The following ANK3 variants were observed in gnomAD, a reference collection of about 807,000 sequenced individuals.
ANK3 encodes ankyrin-3.
A neutral mutation model predicts 370.9 loss-of-function variants in ANK3; 57 were observed. The observed-to-expected ratio is 0.15, with a 90% CI of 0.12 to 0.19. The LOEUF is 0.19. ANK3 is among the 10% of genes least tolerant of loss of function. The pLI, the probability that ANK3 is intolerant of heterozygous loss-of-function variation, is 1.00. For synonymous variants in ANK3, 1,929 were observed against 1,946.3 expected, an observed-to-expected ratio of 0.99 and a Z score of 0.23; for missense variants, 4,439 against 5,302.1, an observed-to-expected ratio of 0.84 and a Z score of 5.06.
chr10:60,713,865 CA>C (rs901266329), intron 1 of ANK3, among the ~76,000 whole-genome samples: 4 of 143,250 alleles, frequency 2.8e-5, no homozygotes, highest in African/African-American at 8.0e-5. Flanking sequence ...GACTCCGTCT[CA>C]AAAAAAAGAA....
At chr10:60,494,548 A>G (rs1224191087) in intron 2 of ANK3, among the ~76,000 whole-genome samples, 1 of 152,168 alleles carries the variant, frequency 6.6e-6, no homozygotes, top group African/African-American at 2.4e-5. Flanking sequence ...CTCTCTCTAC[A>G]GTAGAACCTG....
intron 1 of ANK3, among the ~76,000 whole-genome samples, chr10:60,322,442 T>C (rs1051600323): frequency 2.0e-5 from 3 of 151,918 alleles, no homozygotes; most frequent in Non-Finnish European, 4.4e-5. Flanking sequence ...GTGCTGGCTA[T>C]AGTTAAACAG....
At chr10:60,310,283 G>C (rs115919117) in intron 1 of ANK3, among the ~76,000 whole-genome samples, 3,617 of 152,090 alleles carry the variant, frequency 0.024, 127 homozygotes, top group African/African-American at 0.079. Context: ...ACACTCACCC[G>C]CAGGTTTCCA....
intron 2 of ANK3, among the ~76,000 whole-genome samples, chr10:60,475,276 C>T (rs1325653473): frequency 1.4e-5 from 2 of 147,948 alleles, no homozygotes; most frequent in Non-Finnish European, 3.1e-5. Flanking sequence ...CAGAAAAATA[C>T]ACGTCAACTA....
intron 7 of ANK3, among the ~76,000 whole-genome samples, chr10:60,251,777 A>T (rs900258468): frequency 6.6e-6 from 1 of 152,184 alleles, no homozygotes; most frequent in South Asian, 2.1e-4. Context: ...TTCACCTTAT[A>T]CACTACTGCC....
chr10:60,618,364 G>A (rs1280066391), intron 1 of ANK3, among the ~76,000 whole-genome samples: 1 of 152,042 alleles, frequency 6.6e-6, no homozygotes, highest in African/African-American at 2.4e-5. Flanking sequence ...AAGAAATGTA[G>A]GTCACTCATT....
At chr10:60,615,963 C>T (rs2078262422) in intron 1 of ANK3, among the ~76,000 whole-genome samples, 1 of 152,122 alleles carries the variant, frequency 6.6e-6, no homozygotes, top group African/African-American at 2.4e-5. Flanking sequence ...GCAAATTATT[C>T]CAACTGGTAC....
intron 2 of ANK3, among the ~76,000 whole-genome samples, chr10:60,433,327 C>T: frequency 6.6e-6 from 1 of 152,124 alleles, no homozygotes. Context: ...ATGCTCTCCT[C>T]ATTACTGCAA....
intron 30 of ANK3, 69 bp downstream of exon 30, chr10:60,086,608 G>A: frequency 7.4e-7 from 1 of 1,353,506 alleles, no homozygotes; most frequent in Non-Finnish European, 1.0e-6. Flanking sequence ...TTATATCTTT[G>A]TACACAAATA....
Position 60,071,528 on chromosome 10 carries a change from A to G in ANK3, c.9353T>C (p.Ile3118Thr). 2 of 1,614,104 alleles carry G rather than the reference A, an allele frequency of 1.2e-6. No homozygotes were observed. The highest frequency in any genetic ancestry group is 1.7e-6 in the Non-Finnish European group (2 of 1,179,988). ...TTGTACTGTCTTACATTCCTGACTT[A>G]TGATTTTTTTTACACCTCCTTGTTG... is the stretch of plus-strand genomic sequence containing the variant. ...EIQQGGVKKI[I>T]SQECKTVQET... The change falls in exon 37 of 44, where the codon ATA becomes ACA. Residue 3118 changes from isoleucine to threonine, a missense_variant. Ile to Thr is a moderately conservative substitution (Grantham distance 89). Around this residue, in one of 13 missense-constraint regions of ANK3, gnomAD observed 1,601 missense variants for 1,731.7 expected, o/e 0.92. Coordinates refer to ENST00000280772, the MANE Select transcript of ANK3 (RefSeq NM_020987.5).
At chr10:60,593,328 T>C (rs1425668013) in intron 2 of ANK3, among the ~76,000 whole-genome samples, 1 of 152,176 alleles carries the variant, frequency 6.6e-6, no homozygotes, top group East Asian at 1.9e-4. Context: ...AAGAAATTTG[T>C]TTTAATCAAA....
Position 60,071,694 on chromosome 10 carries a change from T to C in ANK3, c.9187A>G (p.Ser3063Gly). 3 of 1,599,470 alleles carry C rather than the reference T, an allele frequency of 1.9e-6. No homozygotes were observed. Among genetic ancestry groups the C allele is most frequent in the Non-Finnish European group, 2.6e-6 (3 of 1,174,812 alleles). ...ATGGGACTGTGGTCGAATACATCAC[T>C]AGAGGGAGATTCCTTTCCTGGGCTA... is the stretch of plus-strand genomic sequence containing the variant. ...EFSPGKESPSSDVFDHSPIDG... is the reference protein window; with the variant it reads ...EFSPGKESPSGDVFDHSPIDG... Residue 3063 changes from serine (S) to glycine (G), a missense_variant, in exon 37 of 44, where the codon AGT becomes GGT. Coordinates refer to ENST00000280772, the MANE Select transcript of ANK3 (RefSeq NM_020987.5).
chr10:60,263,698 C>A, intron 6 of ANK3, 137 bp downstream of exon 6: 1 of 1,016,596 alleles, frequency 9.8e-7, no homozygotes, highest in Non-Finnish European at 1.4e-6. Context: ...GTGGCTAGCT[C>A]AGACACACAT....
intron 2 of ANK3, among the ~76,000 whole-genome samples, chr10:60,440,449 A>G (rs1452606960): frequency 6.6e-6 from 1 of 152,204 alleles, no homozygotes; most frequent in Non-Finnish European, 1.5e-5. Flanking sequence ...GAGTTCTTCA[A>G]CCAAGAGTTC....
chr10:60,176,645 G>T lies in ANK3; in HGVS notation c.2185-3459C>A, dbSNP rs180899078. On this transcript the variant is annotated intron_variant, in intron 18 of 43. Transcript: ENST00000280772. ...AGGCGTGGCGGTGCCTGTAATCCCAGCTACTTGGGAAGCTGAGGCAGGAGA... is the reference window on the plus strand; with the variant it reads ...AGGCGTGGCGGTGCCTGTAATCCCATCTACTTGGGAAGCTGAGGCAGGAGA... Among the ~76,000 whole-genome samples the T allele has an allele frequency of 2.6e-5, 4 of 152,256 alleles. No homozygotes were observed. In the East Asian group the frequency reaches 7.7e-4, roughly 29 times the overall value.
At position 60,388,389 on chromosome 10, in the gene ANK3, G is replaced by A. The variant is rs538820759; in HGVS notation, c.114+1036C>T. ...CTGAAGAGGGGTACATGTGGGAGAT[G>A]CAATCTGCATGTCATTTAGAAAGCA... On this transcript the variant is annotated intron_variant, in intron 1 of 43. Transcript: ENST00000280772. Among the ~76,000 whole-genome samples, 3 of 152,272 alleles carry A rather than the reference G, an allele frequency of 2.0e-5. No individual in the cohort carries two copies. The South Asian group carries it at 6.2e-4, about 32-fold the overall frequency.
chr10:60,554,051 G>A (rs928300978), intron 2 of ANK3, among the ~76,000 whole-genome samples: 4 of 152,096 alleles, frequency 2.6e-5, no homozygotes, highest in South Asian at 2.1e-4. Context: ...TGGCAAGACT[G>A]GCTCCAATTT....
At chr10:60,226,469 AG>A (rs2097147126) in intron 8 of ANK3, among the ~76,000 whole-genome samples, 1 of 113,204 alleles carries the variant, frequency 8.8e-6, no homozygotes, top group African/African-American at 3.5e-5. Flanking sequence ...ATATATACAT[AG>A]TATATATACT....
chr10:60,360,984 AATT>A (rs1448918143), intron 1 of ANK3, among the ~76,000 whole-genome samples: 1 of 152,194 alleles, frequency 6.6e-6, no homozygotes, highest in Non-Finnish European at 1.5e-5. Context: ...CACCTGCTTA[AATT>A]ATTATTAAAA....
Sources: allele counts gnomAD v4.1 joint callset (sites outside exome capture counted in the v4.1 genomes callset), GRCh38; gene constraint gnomAD v4.1.1; regional missense constraint gnomAD v4.1.1; transcripts MANE v1.5; gene names NCBI Gene and HGNC (gene_info 2026-07-23, HGNC 2026-07-21).